The following IL1RAPL1 variants were observed in gnomAD, a reference collection of about 807,000 sequenced individuals.
The protein encoded by IL1RAPL1 is interleukin-1 receptor accessory protein-like 1.
A neutral mutation model predicts 48.4 loss-of-function variants in IL1RAPL1; 3 were observed. The ratio of observed to expected loss-of-function variants is 0.06; its 90% CI spans 0.03 to 0.16. The LOEUF (loss-of-function observed/expected upper bound fraction) is 0.16, where lower values mean the gene tolerates loss of function less well. IL1RAPL1 is among the 10% of genes least tolerant of loss of function. The pLI, the probability that IL1RAPL1 is intolerant of heterozygous loss-of-function variation, is 1.00. For missense variants in IL1RAPL1, 349 were observed against 530.6 expected (o/e 0.66, Z 3.36); for synonymous variants, 185 against 187.7 (o/e 0.99, Z 0.12).
chrX:29,915,278 C>G (rs1335901710), intron 6 of IL1RAPL1, among the ~76,000 whole-genome samples: 1 of 111,707 alleles, frequency 9.0e-6, no homozygotes, highest in Non-Finnish European at 1.9e-5. Context: ...GCCTGGGCGA[C>G]AGAGGAAGAC....
intron 3 of IL1RAPL1, among the ~76,000 whole-genome samples, chrX:29,356,152 A>C (rs1933298729): frequency 9.0e-6 from 1 of 110,731 alleles, no homozygotes; most frequent in East Asian, 2.8e-4. Flanking sequence ...TCATTTGTTC[A>C]TTCATATTTT....
At chrX:29,945,853 C>CTT (rs1933204921) in intron 9 of IL1RAPL1, among the ~76,000 whole-genome samples, 1 of 111,375 alleles carries the variant, frequency 9.0e-6, no homozygotes, top group African/African-American at 3.3e-5. Flanking sequence ...CATATTGATG[C>CTT]TTTTCTCTCT....
intron 1 of IL1RAPL1, among the ~76,000 whole-genome samples, chrX:28,779,632 GTGTATA>G (rs1280390778): frequency 3.7e-5 from 2 of 54,683 alleles, no homozygotes; most frequent in African/African-American, 1.9e-4. Flanking sequence ...GTGTGTGTGT[GTGTATA>G]TATATATATA....
chrX:29,687,323 A>T (rs1025071147), intron 6 of IL1RAPL1, among the ~76,000 whole-genome samples: 1 of 112,464 alleles, frequency 8.9e-6, no homozygotes, highest in Non-Finnish European at 1.9e-5. Flanking sequence ...TTCCATCATG[A>T]AAAGAATGAA....
chrX:29,824,019 C>A (rs1202352841), intron 6 of IL1RAPL1, among the ~76,000 whole-genome samples: 1 of 111,501 alleles, frequency 9.0e-6, no homozygotes, highest in Non-Finnish European at 1.9e-5. Context: ...CTTATGCCTG[C>A]CACTGGTTCT....
At chrX:29,101,589 T>G (rs928194167) in intron 2 of IL1RAPL1, among the ~76,000 whole-genome samples, 7 of 110,625 alleles carry the variant, frequency 6.3e-5, no homozygotes, top group Admixed American at 9.6e-5. Flanking sequence ...TAAACATTGG[T>G]GCAAAAATCC....
intron 1 of IL1RAPL1, among the ~76,000 whole-genome samples, chrX:28,728,978 A>G (rs1935718144): frequency 8.9e-6 from 1 of 111,870 alleles, no homozygotes; most frequent in Middle Eastern, 4.2e-3. Context: ...TTTCACTTTA[A>G]AAGTTATTTT....
chrX:29,416,874 A>G (rs1054414554), intron 5 of IL1RAPL1, among the ~76,000 whole-genome samples: 2 of 111,416 alleles, frequency 1.8e-5, no homozygotes, highest in African/African-American at 6.5e-5. Context: ...GCATAGACAA[A>G]TTGGAGGAAG....
chrX:28,874,569 C>T (rs1922318208), intron 2 of IL1RAPL1, among the ~76,000 whole-genome samples: 1 of 111,933 alleles, frequency 8.9e-6, no homozygotes, highest in Admixed American at 9.5e-5. Flanking sequence ...ACTTAAGTGA[C>T]TATGTGAGAA....
chrX:29,914,562 C>A (rs2147235695), intron 6 of IL1RAPL1, among the ~76,000 whole-genome samples: 1 of 111,418 alleles, frequency 9.0e-6, no homozygotes, highest in Admixed American at 9.6e-5. Flanking sequence ...TTAATATATA[C>A]ATTTTTAAAA....
chrX:29,390,895 C>G (rs1374711779), intron 3 of IL1RAPL1, among the ~76,000 whole-genome samples: 1 of 111,599 alleles, frequency 9.0e-6, no homozygotes, highest in Non-Finnish European at 1.9e-5. Flanking sequence ...TGATAGCGGC[C>G]AGGCACAGTG....
At chrX:28,636,328 A>G (rs945888718) in intron 1 of IL1RAPL1, among the ~76,000 whole-genome samples, 3 of 112,142 alleles carry the variant, frequency 2.7e-5, no homozygotes, top group African/African-American at 3.2e-5. Context: ...AAACCACCAC[A>G]GAACTTGAAT....
At chrX:29,443,706 G>T (rs925785610) in intron 5 of IL1RAPL1, among the ~76,000 whole-genome samples, 1 of 111,817 alleles carries the variant, frequency 8.9e-6, no homozygotes, top group African/African-American at 3.3e-5. Flanking sequence ...TTACAGTATG[G>T]TGGGGTCGTC....
chrX:29,094,518 G>A (rs923682105), intron 2 of IL1RAPL1, among the ~76,000 whole-genome samples: 5 of 105,330 alleles, frequency 4.7e-5, no homozygotes, highest in African/African-American at 1.7e-4. Flanking sequence ...TGCACTTTGG[G>A]AGGCTGAGGT....
chrX:29,313,253 CTGTGTGTGTGTGTGTGTG>C (rs35894909), intron 3 of IL1RAPL1, among the ~76,000 whole-genome samples: 7 of 90,797 alleles, frequency 7.7e-5, no homozygotes, highest in African/African-American at 2.7e-4. Flanking sequence ...ACATACAAGC[CTGTGTGTGTGTGTGTGTG>C]TGTGTGTGTG....
At chrX:28,704,924 A>G (rs1388033426) in intron 1 of IL1RAPL1, among the ~76,000 whole-genome samples, 5 of 109,836 alleles carry the variant, frequency 4.6e-5, no homozygotes, top group Non-Finnish European at 9.5e-5. Context: ...AGGACAGATC[A>G]TATTGGGCAT....
chrX:28,624,168 T>C (rs1310279113), intron 1 of IL1RAPL1, among the ~76,000 whole-genome samples: 1 of 111,969 alleles, frequency 8.9e-6, no homozygotes, highest in Non-Finnish European at 1.9e-5. Context: ...GTTTACAGTA[T>C]GGTTAGAGAT....
intron 5 of IL1RAPL1, among the ~76,000 whole-genome samples, chrX:29,599,821 T>C (rs1923660937): frequency 8.9e-6 from 1 of 112,214 alleles, no homozygotes; most frequent in Non-Finnish European, 1.9e-5. Context: ...GGTGAGACTT[T>C]CCAGTGCATT....
chrX:29,463,589 A>G (rs186612907), intron 5 of IL1RAPL1, among the ~76,000 whole-genome samples: 1 of 111,790 alleles, frequency 8.9e-6, no homozygotes, highest in South Asian at 3.8e-4. Flanking sequence ...GAATAACTTA[A>G]TTACCCATTC....
Sources: allele counts gnomAD v4.1 joint callset (sites outside exome capture counted in the v4.1 genomes callset), GRCh38; gene constraint gnomAD v4.1.1; transcripts MANE v1.5; gene names NCBI Gene and HGNC (gene_info 2026-07-23, HGNC 2026-07-21).